Variants in GCSAML observed in about 807,000 individuals in gnomAD.
The protein encoded by GCSAML is germinal center associated signaling and motility like.
Under a neutral mutation model 13.0 loss-of-function variants are expected in GCSAML, and 9 were observed. That is an observed-to-expected ratio of 0.69 (90% CI 0.42 to 1.21). The LOEUF (loss-of-function observed/expected upper bound fraction) is 1.21. Among genes scored for constraint, GCSAML ranks in the 50% most tolerant of loss-of-function variants. The pLI, the probability that GCSAML is intolerant of heterozygous loss-of-function variation, is 0.00. For synonymous variants in GCSAML, 37 were observed against 52.9 expected (o/e 0.70, Z 1.31); for missense variants, 143 against 153.4 (o/e 0.93, Z 0.36).
At chr1:247,525,969 C>T (rs1666666568) in intron 1 of GCSAML, 1 of 152,202 alleles carries the variant, frequency 6.6e-6, no homozygotes, top group South Asian at 2.1e-4. Context: ...AGAGTATATA[C>T]ATGTGAATAC....
chr1:247,521,827 C>T (rs1572292061), intron 1 of GCSAML, among the ~76,000 whole-genome samples: 1 of 152,170 alleles, frequency 6.6e-6, no homozygotes, highest in African/African-American at 2.4e-5. Flanking sequence ...AGGAGCATCT[C>T]TGCCTGGCTG....
Position 247,526,841 on chromosome 1 carries a change from A to G in GCSAML, c.-262-99A>G. On this transcript the variant is annotated intron_variant, in intron 1 of 5. Coordinates refer to the GCSAML transcript ENST00000366489. The surrounding 1 kb of genome is among the most constrained non-coding windows in gnomAD (Gnocchi z 4.8). The stretch of plus-strand genomic sequence containing the variant: ...CATCGAAAGACAAGTGGTGTCCAAT[A>G]TGGCATGTTAGCATTTTCCTCTTCA... 1 of 393,982 alleles carries G rather than the reference A, an allele frequency of 2.5e-6. No individual in the cohort carries two copies. The highest frequency in any genetic ancestry group is 5.0e-6 in the Non-Finnish European group (1 of 200,072). The allele number at this position is 393,982 out of a possible 1,614,324, so 24.4% of individuals were successfully genotyped here. A position where few individuals can be genotyped will look rare whatever the true frequency, so the allele number is the denominator to read the frequency against.
At chr1:247,508,834 A>T (rs552818772) in intron 1 of GCSAML, among the ~76,000 whole-genome samples, 2 of 151,784 alleles carry the variant, frequency 1.3e-5, no homozygotes, top group Admixed American at 6.6e-5. Flanking sequence ...GTATGGTCTT[A>T]TTTCTGATTC....
In GCSAML at chr1:247,508,983, G is replaced by C. The variant is rs565339910; in HGVS notation, c.-263+1750G>C. ...TTGCTTAGAAACATCTTGGCGATTT[G>C]GGCTCTTTTTTTGGTTCCATCTGAA... On this transcript the variant is annotated intron_variant, in intron 1 of 5. Transcript: ENST00000366489. 7.2e-5 allele frequency among the ~76,000 whole-genome samples: 11 copies of C among 152,118 alleles called. No homozygotes were observed. The South Asian group carries it at 2.3e-3, about 32-fold the overall frequency.
intron 3 of GCSAML, among the ~76,000 whole-genome samples, chr1:247,564,705 A>C (rs1668272231): frequency 6.6e-6 from 1 of 152,192 alleles, no homozygotes; most frequent in African/African-American, 2.4e-5. Flanking sequence ...GGCACTTGAG[A>C]TCTATTCCCT....
intron 4 of GCSAML, among the ~76,000 whole-genome samples, chr1:247,568,113 A>G (rs1477486686): frequency 4.6e-5 from 7 of 152,052 alleles, no homozygotes; most frequent in Admixed American, 4.6e-4. Context: ...TTTTTCTCCC[A>G]TTCTGTAGAT....
At chr1:247,573,243 G>C (rs1393043516) in intron 4 of GCSAML, among the ~76,000 whole-genome samples, 1 of 152,178 alleles carries the variant, frequency 6.6e-6, no homozygotes, top group Non-Finnish European at 1.5e-5. Flanking sequence ...CAGCTAGCTT[G>C]GTGTCTGCTC....
At position 247,576,605 on chromosome 1, in the gene GCSAML, C is replaced by T. The variant is rs372489758; in HGVS notation, c.*2223C>T. The T allele has an allele frequency of 2.6e-5, 4 of 152,120 alleles. No individual in the cohort carries two copies. In the East Asian group the frequency reaches 5.8e-4, roughly 22 times the overall value. 9.4% of individuals were successfully genotyped at this position (152,120 alleles called of 1,614,324 possible). A position where few individuals can be genotyped will look rare whatever the true frequency, so the allele number is the denominator to read the frequency against. ...AGATCTTCAGATTAGGGATTTTCAA[C>T]CTGTACTGACCTTTTAGTCATTGAC... On this transcript the variant is annotated 3_prime_UTR_variant, in exon 5 of 5. Coordinates refer to ENST00000366488, the MANE Select transcript of GCSAML (RefSeq NM_145278.5).
At chr1:247,528,673 GGTT>G (rs1188566429) in intron 2 of GCSAML, 1 of 152,210 alleles carries the variant, frequency 6.6e-6, no homozygotes, top group Non-Finnish European at 1.5e-5. Flanking sequence ...CAGTTTAGCT[GGTT>G]GTTAATTTTT....
At chr1:247,520,150 A>T (rs1016526936) in intron 1 of GCSAML, among the ~76,000 whole-genome samples, 2 of 152,246 alleles carry the variant, frequency 1.3e-5, no homozygotes, top group Non-Finnish European at 2.9e-5. Flanking sequence ...ATCTATTTCC[A>T]TGAACTACTT....
chr1:247,568,480 G>A (rs1194937886), intron 4 of GCSAML, among the ~76,000 whole-genome samples: 1 of 152,164 alleles, frequency 6.6e-6, no homozygotes, highest in Non-Finnish European at 1.5e-5. Context: ...AGATCAGATG[G>A]TTGTAGCTGT....
At chr1:247,524,787 C>T (rs760620486) in intron 1 of GCSAML, 9 of 152,032 alleles carry the variant, frequency 5.9e-5, no homozygotes, top group East Asian at 1.9e-4. Flanking sequence ...ACTAGAAAAA[C>T]GATTCAACAC....
At chr1:247,514,622 G>A (rs553497778) in intron 1 of GCSAML, among the ~76,000 whole-genome samples, 51 of 152,254 alleles carry the variant, frequency 3.3e-4, no homozygotes, top group Admixed American at 1.9e-3. Context: ...TTAAGTCTTT[G>A]ATCCATCTTG....
At chr1:247,560,843 T>C (rs1668104493) in intron 2 of GCSAML, among the ~76,000 whole-genome samples, 1 of 152,206 alleles carries the variant, frequency 6.6e-6, no homozygotes, top group Admixed American at 6.5e-5. Context: ...ATCTCAGTGT[T>C]CCATGCCATT....
chr1:247,539,376 G>A (rs10925075), intron 2 of GCSAML, among the ~76,000 whole-genome samples: 38,862 of 152,078 alleles, frequency 0.26, 5,534 homozygotes, highest in Middle Eastern at 0.38. Context: ...ATTCACGCAG[G>A]TCCAGTTGGG....
At chr1:247,553,916 G>T (rs928087106) in intron 1 of GCSAML, among the ~76,000 whole-genome samples, 3 of 152,078 alleles carry the variant, frequency 2.0e-5, no homozygotes, top group Admixed American at 6.5e-5. Context: ...TTTAATTTCT[G>T]GGATAAAACC....
intron 2 of GCSAML, among the ~76,000 whole-genome samples, chr1:247,543,739 A>G (rs919150214): frequency 3.3e-5 from 5 of 152,224 alleles, no homozygotes; most frequent in Admixed American, 1.3e-4. Context: ...TCTACCAGCC[A>G]TAAGTTATTG....
Position 247,575,924 on chromosome 1 carries a change from T to C in GCSAML, c.*1542T>C, listed in dbSNP as rs1041779646. 4 of 152,222 alleles carry C rather than the reference T, an allele frequency of 2.6e-5. No individual in the cohort carries two copies. The highest frequency in any genetic ancestry group is 4.1e-4 in the South Asian group (2 of 4,838). The allele number at this position is 152,222 out of a possible 1,614,324, so 9.4% of individuals were successfully genotyped here. A position where few individuals can be genotyped will look rare whatever the true frequency, so the allele number is the denominator to read the frequency against. On this transcript the variant is annotated 3_prime_UTR_variant, in exon 5 of 5. Transcript: ENST00000366488. The stretch of plus-strand genomic sequence containing the variant: ...CCTAATTTGGAGACAAAAGCCTTAA[T>C]TGACAATGCATTCATTATATATTTT...
In GCSAML at chr1:247,549,156, A is replaced by T. The variant is rs1667681405; in HGVS notation, c.-36A>T. On this transcript the variant is annotated 5_prime_UTR_variant, in exon 1 of 5. Transcript: ENST00000366488. The stretch of plus-strand genomic sequence containing the variant: ...GTCAGAACTTCCCCAAGTGGAGTGA[A>T]ACTCAGGAGCTGAGAAACCGAGTCA... 1 of 1,614,006 alleles carries T rather than the reference A, an allele frequency of 6.2e-7. No homozygotes were observed. Among genetic ancestry groups the T allele is most frequent in the Non-Finnish European group, 8.5e-7 (1 of 1,180,000 alleles).
Sources: allele counts gnomAD v4.1 joint callset (sites outside exome capture counted in the v4.1 genomes callset), GRCh38; gene constraint gnomAD v4.1.1; non-coding constraint Gnocchi (gnomAD v3.1); transcripts MANE v1.5; gene names NCBI Gene and HGNC (gene_info 2026-07-23, HGNC 2026-07-21).